Variants in ASTN2 observed in about 807,000 individuals in gnomAD.
ASTN2 encodes astrotactin 2.
Under a neutral mutation model 139.8 loss-of-function variants are expected in ASTN2, and 54 were observed. The ratio of observed to expected loss-of-function variants is 0.39; its 90% CI spans 0.31 to 0.48. The LOEUF is 0.48. Among genes scored for constraint, ASTN2 ranks in the 20% least tolerant of loss-of-function variants. The probability of loss-of-function intolerance (pLI) is 0.95; values close to 1 mark genes in which losing one functional copy is unlikely to be tolerated. For missense variants in ASTN2, 1,565 were observed against 1,725.1 expected (o/e 0.91, Z 1.64); for synonymous variants, 756 against 719.5 (o/e 1.05, Z -0.81).
At chr9:116,753,412 T>C (rs566488037) in intron 13 of ASTN2, among the ~76,000 whole-genome samples, 22 of 152,312 alleles carry the variant, frequency 1.4e-4, no homozygotes, top group African/African-American at 5.1e-4. Flanking sequence ...AAGTATTCTG[T>C]ATATTCTGTA....
intron 3 of ASTN2, among the ~76,000 whole-genome samples, chr9:117,209,489 A>G (rs749683365): frequency 1.2e-4 from 18 of 152,130 alleles, no homozygotes; most frequent in South Asian, 6.2e-4. Context: ...AGAGATCAAT[A>G]CAGCAAGAGA....
At chr9:117,158,411 A>C (rs746332260) in intron 3 of ASTN2, among the ~76,000 whole-genome samples, 3 of 152,074 alleles carry the variant, frequency 2.0e-5, no homozygotes, top group Non-Finnish European at 4.4e-5. Context: ...ATGCTATATA[A>C]GTATGATTTG....
chr9:116,577,346 T>C (rs887262841), intron 19 of ASTN2, among the ~76,000 whole-genome samples: 12 of 152,044 alleles, frequency 7.9e-5, no homozygotes, highest in African/African-American at 2.9e-4. Context: ...CTGGGAAACA[T>C]GGAAAAACCC....
chr9:117,061,221 G>A lies in ASTN2; in HGVS notation c.1277-21256C>T, dbSNP rs1003088833. Among the ~76,000 whole-genome samples the A allele has an allele frequency of 4.6e-5, 7 of 151,766 alleles. No individual in the cohort carries two copies. In the South Asian group the frequency reaches 1.5e-3, roughly 32 times the overall value. On this transcript the variant is annotated intron_variant, in intron 5 of 22. Transcript: ENST00000313400. ...CCAAGAATTGCAGGGGCAGGTTGTA[G>A]ACTTTGGAGTCAGACAGATCTGGGT... is the stretch of plus-strand genomic sequence containing the variant.
intron 17 of ASTN2, among the ~76,000 whole-genome samples, chr9:116,622,238 A>G (rs1564161359): frequency 6.6e-6 from 1 of 152,104 alleles, no homozygotes; most frequent in South Asian, 2.1e-4. Flanking sequence ...AGTGTCTATC[A>G]AGAGTGTTCC....
At position 117,096,084 on chromosome 9, in the gene ASTN2, T is replaced by C. The variant is rs1222507176; in HGVS notation, c.1236A>G (p.Thr412=). The change falls in exon 5 of 23, where the codon ACA becomes ACG. Residue 412 remains threonine (T), a synonymous_variant. Coordinates refer to ENST00000313400, the MANE Select transcript of ASTN2 (RefSeq NM_001365068.1). ...GSEADDETQL[T]FYTEQYRSRR... ...GACTGCGGTACTGCTCCGTGTAGAA[T>C]GTCAGCTGAGTTTCATCGTCTGCCT... The C allele has an allele frequency of 2.5e-6, 4 of 1,614,120 alleles. No homozygotes were observed. Among genetic ancestry groups the C allele is most frequent in the Admixed American group, 3.3e-5 (2 of 60,026 alleles).
chr9:117,095,126 C>G (rs1316033443), intron 5 of ASTN2, among the ~76,000 whole-genome samples: 1 of 152,180 alleles, frequency 6.6e-6, no homozygotes, highest in East Asian at 1.9e-4. Context: ...TGTCACAGGA[C>G]CTTCTTTTCA....
intron 1 of ASTN2, among the ~76,000 whole-genome samples, chr9:117,373,718 CATCTTTTATG>C (rs1587991091): frequency 2.0e-5 from 3 of 152,284 alleles, no homozygotes; most frequent in African/African-American, 7.2e-5. Context: ...GTCCTGATCT[CATCTTTTATG>C]ATCTGTATTT....
At chr9:116,831,229 T>C (rs576279778) in intron 11 of ASTN2, among the ~76,000 whole-genome samples, 1 of 152,010 alleles carries the variant, frequency 6.6e-6, no homozygotes, top group East Asian at 1.9e-4. Context: ...AGTATGAGGG[T>C]TGACAAAGTA....
At chr9:117,033,051 C>G (rs112826292) in intron 6 of ASTN2, among the ~76,000 whole-genome samples, 4 of 152,154 alleles carry the variant, frequency 2.6e-5, no homozygotes, top group East Asian at 1.9e-4. Context: ...TCAAGAGACA[C>G]AGACATCCCT....
At chr9:116,507,294 G>C (rs1048009613) in intron 19 of ASTN2, among the ~76,000 whole-genome samples, 2 of 152,148 alleles carry the variant, frequency 1.3e-5, no homozygotes, top group Non-Finnish European at 2.9e-5. Context: ...GACATCCTCA[G>C]AGTCAGAGCT....
chr9:116,692,744 T>C (rs935999039), intron 16 of ASTN2, among the ~76,000 whole-genome samples: 4 of 152,182 alleles, frequency 2.6e-5, no homozygotes, highest in Admixed American at 1.3e-4. Context: ...GTCTTAGTTT[T>C]CTCATCTATT....
At chr9:117,350,477 TA>T (rs1285064178) in intron 1 of ASTN2, among the ~76,000 whole-genome samples, 4 of 150,290 alleles carry the variant, frequency 2.7e-5, no homozygotes, top group African/African-American at 7.4e-5. Context: ...TTGAAGCTGA[TA>T]GGGGGGTGGT....
intron 5 of ASTN2, among the ~76,000 whole-genome samples, chr9:117,095,412 C>T (rs538112668): frequency 2.6e-5 from 4 of 152,316 alleles, no homozygotes; most frequent in Admixed American, 2.0e-4. Flanking sequence ...CATCCCCCTA[C>T]ATTGAGTGCC....
rs150339412 is a variant in ASTN2 at position 117,109,260 on chromosome 9, C to T, written c.1169-13109G>A. 4.5e-3 allele frequency among the ~76,000 whole-genome samples: 681 copies of T among 151,254 alleles called. 7 individuals are homozygous for T. Among genetic ancestry groups the T allele is most frequent in the African/African-American group, 0.016 (652 of 41,176 alleles). ...TCTTGCCACTGCACTCCAGCCTGGGCGACAGAGGGAGACTCTGTCTCAAAA... is the reference window on the plus strand; with the variant it reads ...TCTTGCCACTGCACTCCAGCCTGGGTGACAGAGGGAGACTCTGTCTCAAAA... On this transcript the variant is annotated intron_variant, in intron 4 of 22. Coordinates refer to ENST00000313400, the MANE Select transcript of ASTN2 (RefSeq NM_001365068.1).
At position 116,857,657 on chromosome 9, in the gene ASTN2, C is replaced by T. The variant is rs73658703; in HGVS notation, c.2040+5926G>A. ...TCCCTACATGAACTTGAGCAATTTC[C>T]GTATCTTTCTAGGCCTTTGTTTTTC... is the stretch of plus-strand genomic sequence containing the variant. On this transcript the variant is annotated intron_variant, in intron 11 of 22. Coordinates refer to ENST00000313400, the MANE Select transcript of ASTN2 (RefSeq NM_001365068.1). 2.0e-3 allele frequency among the ~76,000 whole-genome samples: 310 copies of T among 152,070 alleles called. 1 individual carries two copies. Among genetic ancestry groups the T allele is most frequent in the African/African-American group, 7.1e-3 (293 of 41,472 alleles).
intron 16 of ASTN2, among the ~76,000 whole-genome samples, chr9:116,711,479 G>A (rs567641997): frequency 2.5e-4 from 38 of 152,284 alleles, no homozygotes; most frequent in African/African-American, 8.9e-4. Flanking sequence ...CTTCAATCAT[G>A]TATGCAGCTA....
At chr9:116,859,300 T>C (rs1400401933) in intron 11 of ASTN2, among the ~76,000 whole-genome samples, 1 of 152,212 alleles carries the variant, frequency 6.6e-6, no homozygotes, top group Non-Finnish European at 1.5e-5. Context: ...CAGGGGCCAT[T>C]ATTTTGCCTA....
At chr9:116,563,359 A>G (rs1853019547) in intron 19 of ASTN2, among the ~76,000 whole-genome samples, 1 of 151,582 alleles carries the variant, frequency 6.6e-6, no homozygotes, top group Non-Finnish European at 1.5e-5. Context: ...TGGGTGATAG[A>G]GCGAGACTCT....
Sources: allele counts gnomAD v4.1 joint callset (sites outside exome capture counted in the v4.1 genomes callset), GRCh38; gene constraint gnomAD v4.1.1; transcripts MANE v1.5; gene names NCBI Gene and HGNC (gene_info 2026-07-23, HGNC 2026-07-21).